Variants in P3H2 observed in about 807,000 individuals in gnomAD.
The protein encoded by P3H2 is leprecan-like 1.
In P3H2, 80 loss-of-function variants were observed where a neutral mutation model predicts 87.0. The observed-to-expected ratio is 0.92, with a 90% CI of 0.77 to 1.11. The LOEUF (loss-of-function observed/expected upper bound fraction) is 1.11. Ranked by LOEUF, P3H2 falls within the 50% of genes least tolerant of loss-of-function variation. P3H2 has a pLI of 0.00. For missense variants in P3H2, 1,001 were observed against 923.9 expected (o/e 1.08, Z -1.08); for synonymous variants, 367 against 359.3 (o/e 1.02, Z -0.24).
chr3:189,982,168 G>T (rs1723557228), intron 8 of P3H2, among the ~76,000 whole-genome samples: 1 of 152,118 alleles, frequency 6.6e-6, no homozygotes, highest in African/African-American at 2.4e-5. Flanking sequence ...AAGAGAAAAT[G>T]GGATTTCGGG....
chr3:189,974,676 A>G lies in P3H2; in HGVS notation c.1334T>C (p.Leu445Pro). 6.2e-7 allele frequency: 1 copy of G among 1,614,206 alleles called. No individual in the cohort carries two copies. Among genetic ancestry groups the G allele is most frequent in the South Asian group, 1.1e-5 (1 of 91,088 alleles). ...GACGAATGTGATGTTCTCATAGAGT[A>G]GAGGACCACCTACAGGAACAGAGCA... ...IDRDLREGGP[L>P]LYENITFVYN... is the part of the protein sequence containing the mutation. Residue 445 changes from leucine (L) to proline (P), a missense_variant, in exon 9 of 15, where the codon CTA becomes CCA. By Grantham distance (98) the Leu-to-Pro change is moderately conservative (BLOSUM62 -3). Transcript: ENST00000319332.
chr3:190,061,346 T>C (rs1334373053), intron 1 of P3H2, among the ~76,000 whole-genome samples: 1 of 152,046 alleles, frequency 6.6e-6, no homozygotes, highest in Admixed American at 6.6e-5. Flanking sequence ...CATTGAAAGG[T>C]TGATGCCAGG....
intron 1 of P3H2, among the ~76,000 whole-genome samples, chr3:190,019,206 A>G (rs1724859854): frequency 6.6e-6 from 1 of 152,192 alleles, no homozygotes; most frequent in Admixed American, 6.5e-5. Context: ...TGGCCCTCCC[A>G]GTGTCTGTCA....
At chr3:190,110,265 G>A in intron 1 of P3H2, among the ~76,000 whole-genome samples, 1 of 152,178 alleles carries the variant, frequency 6.6e-6, no homozygotes, top group Non-Finnish European at 1.5e-5. Context: ...ACTGCTTGGA[G>A]GGGAGTGGAC....
intron 1 of P3H2, among the ~76,000 whole-genome samples, chr3:190,086,672 A>G (rs1295124723): frequency 1.3e-5 from 2 of 152,192 alleles, no homozygotes; most frequent in Non-Finnish European, 2.9e-5. Flanking sequence ...GGGACACACC[A>G]TACCTCAGTT....
chr3:189,964,571 T>C (rs1209289176), intron 13 of P3H2, among the ~76,000 whole-genome samples: 2 of 152,252 alleles, frequency 1.3e-5, no homozygotes, highest in Non-Finnish European at 2.9e-5. Context: ...CGTATACGCT[T>C]TCTAATTTTT....
At chr3:189,988,343 A>T (rs12638654) in intron 4 of P3H2, among the ~76,000 whole-genome samples, 1 of 152,016 alleles carries the variant, frequency 6.6e-6, no homozygotes, top group African/African-American at 2.4e-5. Context: ...AGTTCACAAC[A>T]TTGTATTTCT....
rs1722911340 is a variant in P3H2 at position 189,964,396 on chromosome 3, A to C, written c.1894-298T>G. On this transcript the variant is annotated intron_variant, in intron 13 of 14. Transcript: ENST00000319332. Reference sequence around the variant, plus strand: ...ATATGATAGCCTGCAAATTCAAAGAAGGCAAAGTTTTCCTCTCATAATTCA... The same window carrying C: ...ATATGATAGCCTGCAAATTCAAAGACGGCAAAGTTTTCCTCTCATAATTCA... Among the ~76,000 whole-genome samples, 5 of 152,368 alleles carry C rather than the reference A, an allele frequency of 3.3e-5. No homozygotes were observed. In the South Asian group the frequency reaches 8.3e-4, roughly 25 times the overall value.
intron 1 of P3H2, among the ~76,000 whole-genome samples, chr3:190,024,102 C>T (rs1469360432): frequency 6.6e-6 from 1 of 151,894 alleles, no homozygotes; most frequent in Non-Finnish European, 1.5e-5. Context: ...ATGCAGGGGC[C>T]CTGCTTGGTA....
chr3:189,963,274 C>G lies in P3H2; in HGVS notation c.2034+684G>C, dbSNP rs115789768. ...GTTTGCATATAATAATATTGAAATA[C>G]TTAATGTAATAACAGTAATAAGTAA... On this transcript the variant is annotated intron_variant, in intron 14 of 14. Coordinates refer to ENST00000319332, the MANE Select transcript of P3H2 (RefSeq NM_018192.4). Among the ~76,000 whole-genome samples, 372 of 152,270 alleles carry G rather than the reference C, an allele frequency of 2.4e-3. 1 individual carries two copies. The highest frequency in any genetic ancestry group is 2.9e-3 in the South Asian group (14 of 4,816).
chr3:190,013,383 C>T (rs1302376395), intron 1 of P3H2, among the ~76,000 whole-genome samples: 1 of 152,160 alleles, frequency 6.6e-6, no homozygotes, highest in Non-Finnish European at 1.5e-5. Flanking sequence ...TAAACTGGAA[C>T]TAGTAAGTTA....
At chr3:190,079,200 G>A (rs1474112185) in intron 1 of P3H2, among the ~76,000 whole-genome samples, 23 of 151,970 alleles carry the variant, frequency 1.5e-4, no homozygotes, top group Non-Finnish European at 4.4e-5. Context: ...AATTAGCTGG[G>A]CAGGGTGGTG....
At chr3:189,963,811 C>T in intron 14 of P3H2, 147 bp downstream of exon 14, 1 of 794,414 alleles carries the variant, frequency 1.3e-6, no homozygotes, top group Non-Finnish European at 2.2e-6. Flanking sequence ...GCTATTTCTA[C>T]AAACATCTTC....
At chr3:190,073,288 G>A (rs762938947) in intron 1 of P3H2, among the ~76,000 whole-genome samples, 27 of 152,134 alleles carry the variant, frequency 1.8e-4, no homozygotes, top group Non-Finnish European at 3.2e-4. Context: ...CAGCAAAGCT[G>A]GCAGGAAACC....
chr3:190,042,652 T>C (rs1725673504), intron 1 of P3H2, among the ~76,000 whole-genome samples: 1 of 152,228 alleles, frequency 6.6e-6, no homozygotes. Flanking sequence ...CTACTTTGCA[T>C]CATTTCCAGT....
chr3:189,992,721 T>C (rs9881766), intron 3 of P3H2, among the ~76,000 whole-genome samples: 44,644 of 152,028 alleles, frequency 0.29, 6,987 homozygotes, highest in East Asian at 0.48. Context: ...TAAGTAACAA[T>C]AGTATCTATA....
intron 1 of P3H2, among the ~76,000 whole-genome samples, chr3:190,069,838 T>C (rs892715030): frequency 6.6e-6 from 1 of 152,138 alleles, no homozygotes; most frequent in East Asian, 1.9e-4. Flanking sequence ...ACTGGAAACA[T>C]TTATGAGTGA....
chr3:190,112,436 T>G (rs984114032), intron 1 of P3H2, among the ~76,000 whole-genome samples: 5 of 152,182 alleles, frequency 3.3e-5, no homozygotes, highest in African/African-American at 1.2e-4. Flanking sequence ...TATCAAAAAG[T>G]AGATATCTAT....
At chr3:190,028,994 G>C (rs948643026) in intron 1 of P3H2, among the ~76,000 whole-genome samples, 1 of 152,258 alleles carries the variant, frequency 6.6e-6, no homozygotes, top group South Asian at 2.1e-4. Flanking sequence ...CTAAGGTAGA[G>C]GTAGAAACCC....
Sources: allele counts gnomAD v4.1 joint callset (sites outside exome capture counted in the v4.1 genomes callset), GRCh38; gene constraint gnomAD v4.1.1; transcripts MANE v1.5; gene names NCBI Gene and HGNC (gene_info 2026-07-23, HGNC 2026-07-21).